Variants in CBLC observed in about 807,000 individuals in gnomAD.
CBLC encodes the protein E3 ubiquitin-protein ligase CBL-C.
In CBLC, 46 loss-of-function variants were observed where a neutral mutation model predicts 58.6. The ratio of observed to expected loss-of-function variants is 0.79; its 90% confidence interval spans 0.62 to 1.00. The LOEUF is 1.00. Among genes scored for constraint, CBLC ranks in the 50% least tolerant of loss-of-function variants. The pLI, the probability that CBLC is intolerant of heterozygous loss-of-function variation, is 0.00. For missense variants in CBLC, 655 were observed against 625.8 expected (o/e 1.05, Z -0.50); for synonymous variants, 271 against 264.2 (o/e 1.03, Z -0.25).
intron 6 of CBLC, among the ~76,000 whole-genome samples, chr19:44,791,784 C>G (rs1377620669): frequency 6.6e-6 from 1 of 150,394 alleles, no homozygotes; most frequent in Admixed American, 6.6e-5. Flanking sequence ...ATTGGACATG[C>G]CAGCCTTGGA....
At chr19:44,785,521 T>C (rs1269183135) in intron 5 of CBLC, among the ~76,000 whole-genome samples, 14 of 137,584 alleles carry the variant, frequency 1.0e-4, no homozygotes. Context: ...GCTAGCTAGA[T>C]AGTCAGATAG....
chr19:44,796,114 CTG>C lies in CBLC; in HGVS notation c.1362+1836_1362+1837del, dbSNP rs149075730. 9.1e-3 allele frequency among the ~76,000 whole-genome samples: 1,382 copies of C among 152,222 alleles called. 24 individuals are homozygous for C. Among genetic ancestry groups the C allele is most frequent in the African/African-American group, 0.032 (1,328 of 41,536 alleles). On this transcript the variant is annotated intron_variant, in intron 9 of 10. Transcript: ENST00000647358. ...CCTGTAATCCCAGCTACTTGGAAGA[CTG>C]TGGCAGGAGAATCGCTTGAACCCGG... is the stretch of plus-strand genomic sequence containing the variant.
intron 7 of CBLC, 37 bp downstream of exon 7, chr19:44,792,551 T>C (rs755448447): frequency 2.0e-6 from 3 of 1,532,398 alleles, no homozygotes; most frequent in South Asian, 2.5e-5. Context: ...CCCTCTGGTC[T>C]CCCCCTCTCT....
rs202052679 is a variant in CBLC at position 44,781,200 on chromosome 19, C to T, written c.501-7C>T. Reference sequence around the variant, plus strand: ...AGCGGTGTCTCCCCCACCCCTCTCCCACCCAGGTGTGTGCTGCCCTGGGCT... The same window carrying T: ...AGCGGTGTCTCCCCCACCCCTCTCCTACCCAGGTGTGTGCTGCCCTGGGCT... On this transcript the variant is annotated splice_polypyrimidine_tract_variant and splice_region_variant and intron_variant, in intron 2 of 10. Coordinates refer to ENST00000647358, the MANE Select transcript of CBLC (RefSeq NM_012116.4). 93 of 1,605,328 alleles carry T rather than the reference C, an allele frequency of 5.8e-5. No individual in the cohort carries two copies. In the East Asian group the frequency reaches 1.9e-3, roughly 32 times the overall value.
intron 9 of CBLC, among the ~76,000 whole-genome samples, chr19:44,797,638 C>G (rs961325577): frequency 6.7e-6 from 1 of 148,990 alleles, no homozygotes; most frequent in South Asian, 2.3e-4. Context: ...ACCTGTAATC[C>G]CAGCTACTCA....
intron 5 of CBLC, among the ~76,000 whole-genome samples, chr19:44,787,817 C>CA (rs1383950497): frequency 0.049 from 4,100 of 84,034 alleles, 186 homozygotes; most frequent in African/African-American, 0.14. Context: ...GACTTCATCT[C>CA]AAAAAAAAAA....
At chr19:44,785,714 T>C (rs1414382988) in intron 5 of CBLC, among the ~76,000 whole-genome samples, 1 of 151,690 alleles carries the variant, frequency 6.6e-6, no homozygotes, top group Non-Finnish European at 1.5e-5. Flanking sequence ...GGCAGGCGGA[T>C]CACCTGAGAT....
Position 44,778,086 on chromosome 19 carries a change from C to T in CBLC, c.155C>T (p.Ala52Val). ...CTGCGGGACCTGCTGCCCCGCACAG[C>T]GCAGCTGCTTCGAGAGGTGGCCCAT... The part of the protein sequence containing the change: ...PSLRDLLPRT[A>V]QLLREVAHSR... The change falls in exon 1 of 11, where the codon GCG (alanine) becomes GTG (valine). Residue 52 changes from alanine to valine, a missense_variant. Ala to Val is a moderately conservative substitution (Grantham distance 64). Transcript: ENST00000647358. 4 of 1,607,510 alleles carry T rather than the reference C, an allele frequency of 2.5e-6. No individual in the cohort carries two copies. Among genetic ancestry groups the T allele is most frequent in the Non-Finnish European group, 3.4e-6 (4 of 1,179,270 alleles).
At chr19:44,799,755 TAGAA>T (rs1968251945) in intron 9 of CBLC, among the ~76,000 whole-genome samples, 1 of 89,134 alleles carries the variant, frequency 1.1e-5, no homozygotes, top group Admixed American at 1.4e-4. Flanking sequence ...GAGAGAGAAA[TAGAA>T]AAAGAAAGAA....
intron 9 of CBLC, among the ~76,000 whole-genome samples, chr19:44,798,378 T>C (rs1233704405): frequency 6.6e-6 from 1 of 152,010 alleles, no homozygotes; most frequent in Non-Finnish European, 1.5e-5. Flanking sequence ...CTCAGTCATC[T>C]CTAACCTGAG....
intron 4 of CBLC, among the ~76,000 whole-genome samples, chr19:44,783,728 G>T (rs1181500109): frequency 6.6e-6 from 1 of 152,134 alleles, no homozygotes; most frequent in Non-Finnish European, 1.5e-5. Flanking sequence ...GTGGGTTTCA[G>T]GCACAGCTAG....
In CBLC at chr19:44,793,582, A is replaced by C. The variant is rs1293493860; in HGVS notation, c.1246A>C (p.Ser416Arg). The change falls in exon 8 of 11, where the codon AGC becomes CGC. Residue 416 changes from serine to arginine, a missense_variant. By Grantham distance (110) the Ser-to-Arg change is moderately radical. Around this residue, in one of 3 missense-constraint regions of CBLC, gnomAD observed 371 missense variants for 370.8 expected, o/e 1.00. Coordinates refer to ENST00000647358, the MANE Select transcript of CBLC (RefSeq NM_012116.4). Reference protein sequence around the residue: ...GQATAEDSGNSSDQEGRELEL... With the variant: ...GQATAEDSGNRSDQEGRELEL... ...GGCTACTGCTGAGGACTCAGGGAAC[A>C]GCAGTGACCAGGAAGGCAGGGAGTT... The C allele has an allele frequency of 3.7e-6, 6 of 1,606,414 alleles. No individual in the cohort carries two copies. The highest frequency in any genetic ancestry group is 5.1e-6 in the Non-Finnish European group (6 of 1,178,266).
At position 44,781,594 on chromosome 19, in the gene CBLC, G is replaced by A. The variant is rs566793127; in HGVS notation, c.657+231G>A. ...GCCTGGACTCCTGGGTCTGAGGGAG[G>A]AGGGGGCTGGGGACCTGGACTCCTG... On this transcript the variant is annotated intron_variant, in intron 3 of 10. Coordinates refer to ENST00000647358, the MANE Select transcript of CBLC (RefSeq NM_012116.4). 2.0e-3 allele frequency among the ~76,000 whole-genome samples: 278 copies of A among 137,414 alleles called. 6 individuals are homozygous for A. The highest frequency in any genetic ancestry group is 7.8e-3 in the African/African-American group (263 of 33,880). 90.1% of individuals were successfully genotyped at this position (137,414 alleles called of 152,430 possible).
At chr19:44,782,543 G>T in intron 4 of CBLC, 52 bp downstream of exon 4, 1 of 1,502,654 alleles carries the variant, frequency 6.7e-7, no homozygotes, top group South Asian at 1.1e-5. Flanking sequence ...AGGGATCTGG[G>T]CTCTGGGCTG....
rs923737137 is a variant in CBLC, at chr19:44,792,470, C to A, written c.1093C>A (p.Pro365Thr). Residue 365 changes from proline (P) to threonine (T), a missense_variant, in exon 7 of 11, where the codon CCG becomes ACG. Transcript: ENST00000647358. ...GAGCAACAAGGATGTGAAGATTGAGCCGTGCGGGCACCTGCTCTGCAGCTG... is the reference window on the plus strand; with the variant it reads ...GAGCAACAAGGATGTGAAGATTGAGACGTGCGGGCACCTGCTCTGCAGCTG... ...AESNKDVKIE[P>T]CGHLLCSCCL... is the part of the protein sequence containing the mutation. 2.5e-6 allele frequency: 4 copies of A among 1,611,806 alleles called. No homozygotes were observed. The African/African-American group carries it at 5.3e-5, about 22-fold the overall frequency.
intron 5 of CBLC, among the ~76,000 whole-genome samples, chr19:44,786,197 A>AC (rs1967901681): frequency 3.3e-5 from 5 of 151,964 alleles, no homozygotes; most frequent in African/African-American, 1.2e-4. Context: ...GGTCCTGAGT[A>AC]GCTAGGACTA....
intron 7 of CBLC, 117 bp downstream of exon 7, chr19:44,792,631 A>G (rs1434209956): frequency 8.8e-7 from 1 of 1,132,584 alleles, no homozygotes; most frequent in African/African-American, 1.6e-5. Flanking sequence ...CAGAGAGGGC[A>G]AAGAGCTGAT....
intron 4 of CBLC, among the ~76,000 whole-genome samples, chr19:44,782,842 T>C (rs1480462168): frequency 6.6e-6 from 1 of 152,140 alleles, no homozygotes; most frequent in Non-Finnish European, 1.5e-5. Flanking sequence ...CATAGGAGAC[T>C]GAAAAACAAG....
chr19:44,789,914 T>C, intron 5 of CBLC, 90 bp from the exon 6 acceptor site: 1 of 845,750 alleles, frequency 1.2e-6, no homozygotes. Context: ...CAGGGAAATA[T>C]GGGGCCCTGT....
Sources: allele counts gnomAD v4.1 joint callset (sites outside exome capture counted in the v4.1 genomes callset), GRCh38; gene constraint gnomAD v4.1.1; regional missense constraint gnomAD v4.1.1; transcripts MANE v1.5; gene names NCBI Gene and HGNC (gene_info 2026-07-23, HGNC 2026-07-21).